ATP11B: variants seen among roughly 807,000 people sequenced by gnomAD.
ATP11B encodes phospholipid-transporting ATPase IF.
In ATP11B, 81 loss-of-function variants were observed where a neutral mutation model predicts 157.8. That is an observed-to-expected ratio of 0.51 (90% CI 0.43 to 0.62). The LOEUF is 0.62. Among genes scored for constraint, ATP11B ranks in the 20% least tolerant of loss-of-function variants. The pLI is 0.00. For synonymous variants in ATP11B, 451 were observed against 469.4 expected (o/e 0.96, Z 0.51); for missense variants, 1,165 against 1,402.2 (o/e 0.83, Z 2.70).
chr3:182,872,059 C>T (rs1212677373), intron 17 of ATP11B, among the ~76,000 whole-genome samples: 3 of 152,208 alleles, frequency 2.0e-5, no homozygotes, highest in East Asian at 3.9e-4. Flanking sequence ...TCATGATCCG[C>T]CTGCCTTGGC....
chr3:182,805,920 T>A (rs1716300539), intron 1 of ATP11B, among the ~76,000 whole-genome samples: 1 of 152,218 alleles, frequency 6.6e-6, no homozygotes, highest in South Asian at 2.1e-4. Flanking sequence ...AACTCAATGT[T>A]TTTTAGCATT....
chr3:182,896,704 T>C lies in ATP11B; in HGVS notation c.2987T>C (p.Phe996Ser), dbSNP rs191980417. 6.2e-7 allele frequency: 1 copy of C among 1,611,660 alleles called. No homozygotes were observed. The highest frequency in any genetic ancestry group is 2.2e-5 in the East Asian group (1 of 44,760). ...DTSLLGNGQM[F>S]GNWTFGTLVF... ...TAGTGTATTCTTTCTGTTTAGATGT[T>C]TGGAAACTGGACATTTGGCACTTTG... Residue 996 changes from phenylalanine to serine, a missense_variant, in exon 26 of 30, where the codon TTT (phenylalanine) becomes TCT (serine). Phe to Ser is a radical substitution (Grantham distance 155, BLOSUM62 -2). Around this residue, in one of 4 missense-constraint regions of ATP11B, gnomAD observed 303 missense variants for 296.3 expected, o/e 1.02. Transcript: ENST00000323116.
chr3:182,816,758 C>A (rs1378321150), intron 1 of ATP11B, among the ~76,000 whole-genome samples: 2 of 152,192 alleles, frequency 1.3e-5, no homozygotes, highest in African/African-American at 4.8e-5. Context: ...ATACGCTTAT[C>A]AGAAAAATGC....
In ATP11B at chr3:182,869,219, TG is replaced by T. The variant is rs1721469385; in HGVS notation, c.1763-8del. The T allele has an allele frequency of 1.9e-6, 3 of 1,600,890 alleles. No homozygotes were observed. Among genetic ancestry groups the T allele is most frequent in the Non-Finnish European group, 2.6e-6 (3 of 1,171,478 alleles). On this transcript the variant is annotated splice_region_variant and splice_polypyrimidine_tract_variant and intron_variant, in intron 16 of 29. Coordinates refer to ENST00000323116, the MANE Select transcript of ATP11B (RefSeq NM_014616.3). ...TAAGAGTCTGATAACTCATTTTTTT[TG>T]TCTCTAGGTGAGAAGTTATTATTTG... is the stretch of plus-strand genomic sequence containing the variant.
chr3:182,869,053 GTCTT>G (rs376657361), intron 15 of ATP11B, 21 bp from the exon 16 acceptor site: 17 of 1,514,074 alleles, frequency 1.1e-5, no homozygotes, highest in African/African-American at 7.0e-5. Context: ...TAAAGTTTTT[GTCTT>G]TCTTACTTTC....
chr3:182,865,891 A>G (rs1276558226), intron 13 of ATP11B, among the ~76,000 whole-genome samples, 193 bp downstream of exon 13: 1 of 151,928 alleles, frequency 6.6e-6, no homozygotes, highest in African/African-American at 2.4e-5. Context: ...TTGTTATTTA[A>G]TACGTGTCTG....
chr3:182,913,213 G>T (rs1056629654), intron 28 of ATP11B, among the ~76,000 whole-genome samples: 1 of 152,150 alleles, frequency 6.6e-6, no homozygotes, highest in Non-Finnish European at 1.5e-5. Flanking sequence ...AGCTGATGAT[G>T]GGATGATTGC....
rs952662358 is a variant in ATP11B, at chr3:182,828,315, A to T, written c.234+106A>T. 3 of 520,620 alleles carry T rather than the reference A, an allele frequency of 5.8e-6. No homozygotes were observed. The Admixed American group carries it at 1.1e-4, about 19-fold the overall frequency. The allele number at this position is 520,620 out of a possible 1,614,324, so 32.3% of individuals were successfully genotyped here. On this transcript the variant is annotated intron_variant, in intron 3 of 29. Coordinates refer to ENST00000323116, the MANE Select transcript of ATP11B (RefSeq NM_014616.3). ...TTGCTAATCATTTGACCATGTGACC[A>T]TTTTTTCTGCAGTGCTTCTGCATTG...
At position 182,921,015 on chromosome 3, in the gene ATP11B, T is replaced by C. The variant is rs1413977583; in HGVS notation, c.*2911T>C. 6.6e-6 allele frequency: 1 copy of C among 152,166 alleles called. No individual in the cohort carries two copies. Among genetic ancestry groups the C allele is most frequent in the Non-Finnish European group, 1.5e-5 (1 of 68,036 alleles). 9.4% of individuals were successfully genotyped at this position (152,166 alleles called of 1,614,324 possible). A position where few individuals can be genotyped will look rare whatever the true frequency, so the allele number is the denominator to read the frequency against. The stretch of plus-strand genomic sequence containing the variant: ...CTGAGGTCATTTCTACTGGAAAAGA[T>C]TGTGAGATTGAACTTATCTGATCGC... On this transcript the variant is annotated 3_prime_UTR_variant, in exon 30 of 30. Transcript: ENST00000323116.
At chr3:182,835,466 C>T (rs1428177174) in intron 4 of ATP11B, among the ~76,000 whole-genome samples, 1 of 151,980 alleles carries the variant, frequency 6.6e-6, no homozygotes, top group Non-Finnish European at 1.5e-5. Flanking sequence ...AGAATGACTC[C>T]CCAGATTTCT....
At chr3:182,893,025 A>G (rs1450872072) in intron 25 of ATP11B, among the ~76,000 whole-genome samples, 21 of 152,206 alleles carry the variant, frequency 1.4e-4, no homozygotes, top group Admixed American at 1.4e-3. Flanking sequence ...GCCCTTATCC[A>G]GTCTTAAAGT....
intron 12 of ATP11B, among the ~76,000 whole-genome samples, chr3:182,864,032 C>T (rs546576659): frequency 6.6e-6 from 1 of 152,094 alleles, no homozygotes; most frequent in African/African-American, 2.4e-5. Flanking sequence ...CCAGTTTCAC[C>T]ATTTATTTGC....
rs1269923693 is a variant in ATP11B, at chr3:182,913,962, T to G, written c.3420T>G (p.Val1140=). 1.2e-6 allele frequency: 2 copies of G among 1,613,950 alleles called. No individual in the cohort carries two copies. Among genetic ancestry groups the G allele is most frequent in the African/African-American group, 1.3e-5 (1 of 74,918 alleles). Residue 1140 remains valine (V), a synonymous_variant, in exon 29 of 30, where the codon GTT becomes GTG. Coordinates refer to ENST00000323116, the MANE Select transcript of ATP11B (RefSeq NM_014616.3). The part of the protein sequence containing the change: ...CASVGRMLER[V]IGRCSPTHIS... ...CTGTTGGAAGAATGCTGGAACGAGT[T>G]ATAGGAAGATGTAGTCCAACCCACA...
intron 29 of ATP11B, chr3:182,915,124 G>A (rs1055332597): frequency 4.2e-5 from 41 of 984,936 alleles, no homozygotes; most frequent in Non-Finnish European, 4.9e-5. Context: ...TGATGAGTAT[G>A]ATATCATTCA....
chr3:182,870,753 C>G (rs951078996), intron 17 of ATP11B, among the ~76,000 whole-genome samples: 1 of 149,890 alleles, frequency 6.7e-6, no homozygotes, highest in African/African-American at 2.5e-5. Context: ...GCTAGCAGAT[C>G]ACGAGGTCAG....
At chr3:182,834,749 G>C (rs968084559) in intron 4 of ATP11B, among the ~76,000 whole-genome samples, 1 of 152,086 alleles carries the variant, frequency 6.6e-6, no homozygotes, top group Non-Finnish European at 1.5e-5. Flanking sequence ...GATCCATACA[G>C]GCTAACATAT....
At chr3:182,836,820 A>G (rs1474568245) in intron 6 of ATP11B, among the ~76,000 whole-genome samples, 1 of 152,168 alleles carries the variant, frequency 6.6e-6, no homozygotes, top group Non-Finnish European at 1.5e-5. Context: ...TAAATTACTT[A>G]TGATAAAGTA....
At chr3:182,890,289 C>T (rs1180464131) in intron 25 of ATP11B, among the ~76,000 whole-genome samples, 1 of 152,114 alleles carries the variant, frequency 6.6e-6, no homozygotes, top group African/African-American at 2.4e-5. Context: ...GGTTGTCACT[C>T]TTAGTTTCCC....
At chr3:182,863,722 C>G (rs1454289307) in intron 12 of ATP11B, among the ~76,000 whole-genome samples, 2 of 151,402 alleles carry the variant, frequency 1.3e-5, no homozygotes, top group Admixed American at 6.6e-5. Context: ...TATATATATA[C>G]TTTTAAATCA....
Sources: allele counts gnomAD v4.1 joint callset (sites outside exome capture counted in the v4.1 genomes callset), GRCh38; gene constraint gnomAD v4.1.1; regional missense constraint gnomAD v4.1.1; transcripts MANE v1.5; gene names NCBI Gene and HGNC (gene_info 2026-07-23, HGNC 2026-07-21).